The following TMEM163 variants were observed in gnomAD, a reference collection of about 807,000 sequenced individuals.
The protein encoded by TMEM163 is transmembrane protein 163.
Under a neutral mutation model 29.3 loss-of-function variants are expected in TMEM163, and 17 were observed. The observed-to-expected ratio is 0.58, with a 90% confidence interval of 0.40 to 0.87. The LOEUF (loss-of-function observed/expected upper bound fraction) is 0.87. Ranked by LOEUF, TMEM163 falls within the 40% of genes least tolerant of loss-of-function variation. The probability of loss-of-function intolerance (pLI) is 0.00; values close to 1 mark genes in which losing one functional copy is unlikely to be tolerated. For synonymous variants in TMEM163, 157 were observed against 160.6 expected, an observed-to-expected ratio of 0.98 and a Z score of 0.17; for missense variants, 303 against 381.5, an observed-to-expected ratio of 0.79 and a Z score of 1.71.
rs534457231 is a variant in TMEM163, at chr2:134,638,978, G to A, written c.322+74222C>T. 5.9e-5 allele frequency among the ~76,000 whole-genome samples: 9 copies of A among 152,310 alleles called. No individual in the cohort carries two copies. In the East Asian group the frequency reaches 1.7e-3, roughly 29 times the overall value. On this transcript the variant is annotated intron_variant, in intron 2 of 7. Coordinates refer to ENST00000281924, the MANE Select transcript of TMEM163 (RefSeq NM_030923.5). ...TTAGGCACCACCCACAGAGGTGATGGCTGAAGCCTGGAATGGGACAAGGCC... is the reference window on the plus strand; with the variant it reads ...TTAGGCACCACCCACAGAGGTGATGACTGAAGCCTGGAATGGGACAAGGCC...
intron 5 of TMEM163, among the ~76,000 whole-genome samples, chr2:134,498,008 C>A (rs1679611284): frequency 6.6e-6 from 1 of 152,330 alleles, no homozygotes; most frequent in African/African-American, 2.4e-5. Flanking sequence ...CTTCAAAAGG[C>A]AGAAGAGCAG....
At chr2:134,572,659 C>G (rs984827796) in intron 2 of TMEM163, among the ~76,000 whole-genome samples, 2 of 152,178 alleles carry the variant, frequency 1.3e-5, no homozygotes, top group African/African-American at 2.4e-5. Flanking sequence ...GAATCCTCCC[C>G]ACTTGGCTTG....
intron 4 of TMEM163, among the ~76,000 whole-genome samples, chr2:134,507,890 G>C (rs967636156): frequency 3.9e-5 from 6 of 151,970 alleles, no homozygotes; most frequent in Admixed American, 3.3e-4. Context: ...CACACACACA[G>C]ACACACTTAA....
At chr2:134,566,174 A>G (rs1423327257) in intron 2 of TMEM163, among the ~76,000 whole-genome samples, 1 of 152,282 alleles carries the variant, frequency 6.6e-6, no homozygotes, top group East Asian at 1.9e-4. Context: ...CAACATGAAC[A>G]TGCAATTTTA....
intron 2 of TMEM163, among the ~76,000 whole-genome samples, chr2:134,662,599 G>A (rs1460734158): frequency 6.6e-6 from 1 of 152,160 alleles, no homozygotes; most frequent in East Asian, 1.9e-4. Context: ...CTGGGATTCG[G>A]GAGATGAGCA....
intron 2 of TMEM163, among the ~76,000 whole-genome samples, chr2:134,589,263 A>G (rs6728926): frequency 0.038 from 5,767 of 152,308 alleles, 168 homozygotes; most frequent in Admixed American, 0.085. Flanking sequence ...GAACCAGAGC[A>G]ACTCCATCTT....
chr2:134,511,616 T>A (rs1189531297), intron 4 of TMEM163, among the ~76,000 whole-genome samples: 1 of 152,174 alleles, frequency 6.6e-6, no homozygotes, highest in Non-Finnish European at 1.5e-5. Context: ...GGAACACGGG[T>A]CCTACAGGCT....
intron 4 of TMEM163, among the ~76,000 whole-genome samples, chr2:134,506,203 G>A (rs1277508173): frequency 6.6e-6 from 1 of 152,152 alleles, no homozygotes; most frequent in African/African-American, 2.4e-5. Flanking sequence ...ACTCCAAAAT[G>A]TGTCAAAAAC....
chr2:134,535,648 G>C (rs926644348), intron 4 of TMEM163, among the ~76,000 whole-genome samples: 4 of 151,756 alleles, frequency 2.6e-5, no homozygotes, highest in Non-Finnish European at 5.9e-5. Context: ...TAATTTAAAA[G>C]GTAGATTTCA....
At chr2:134,529,159 C>T (rs1385901548) in intron 4 of TMEM163, among the ~76,000 whole-genome samples, 3 of 151,670 alleles carry the variant, frequency 2.0e-5, no homozygotes, top group Admixed American at 1.3e-4. Context: ...GGTGAAACCC[C>T]GTCTCTACTA....
At chr2:134,673,618 C>A (rs1294087615) in intron 2 of TMEM163, among the ~76,000 whole-genome samples, 1 of 152,050 alleles carries the variant, frequency 6.6e-6, no homozygotes, top group Non-Finnish European at 1.5e-5. Flanking sequence ...ATCACAGGGA[C>A]CTTATAAGGG....
intron 5 of TMEM163, among the ~76,000 whole-genome samples, chr2:134,499,910 T>G (rs1426447009): frequency 2.6e-5 from 4 of 152,230 alleles, no homozygotes; most frequent in Non-Finnish European, 5.9e-5. Flanking sequence ...GCAAACTCTC[T>G]ATGTGCAGCC....
At chr2:134,486,928 A>G (rs573314496) in intron 5 of TMEM163, among the ~76,000 whole-genome samples, 7 of 152,260 alleles carry the variant, frequency 4.6e-5, no homozygotes, top group Non-Finnish European at 1.0e-4. Context: ...AAATATTCAC[A>G]TCTTAAAGGA....
chr2:134,710,239 G>C (rs1684898126), intron 2 of TMEM163, among the ~76,000 whole-genome samples: 1 of 152,184 alleles, frequency 6.6e-6, no homozygotes, highest in Non-Finnish European at 1.5e-5. Flanking sequence ...ACCTGTCTCA[G>C]AGACTTTTGG....
intron 2 of TMEM163, among the ~76,000 whole-genome samples, chr2:134,573,380 C>T (rs1681478580): frequency 6.6e-6 from 1 of 152,122 alleles, no homozygotes; most frequent in African/African-American, 2.4e-5. Context: ...AGGTATAAGC[C>T]AGTGTTTCTC....
At chr2:134,611,946 A>G (rs1558964344) in intron 2 of TMEM163, among the ~76,000 whole-genome samples, 1 of 152,234 alleles carries the variant, frequency 6.6e-6, no homozygotes, top group Non-Finnish European at 1.5e-5. Flanking sequence ...GCGTGAAAAC[A>G]CTGGCATCCA....
At chr2:134,512,339 TC>T (rs771151571) in intron 4 of TMEM163, among the ~76,000 whole-genome samples, 10 of 151,984 alleles carry the variant, frequency 6.6e-5, no homozygotes, top group Non-Finnish European at 1.3e-4. Flanking sequence ...ACATCTGTAG[TC>T]CCAGCTTACT....
At chr2:134,701,144 C>T (rs1558997055) in intron 2 of TMEM163, among the ~76,000 whole-genome samples, 1 of 149,832 alleles carries the variant, frequency 6.7e-6, no homozygotes, top group African/African-American at 2.5e-5. Context: ...AAAGTAAATT[C>T]AAAACAAATT....
chr2:134,680,647 T>C (rs1270334078), intron 2 of TMEM163, among the ~76,000 whole-genome samples: 1 of 152,212 alleles, frequency 6.6e-6, no homozygotes, highest in Non-Finnish European at 1.5e-5. Context: ...AGCTACTTTG[T>C]ATGTTGGGCA....
Sources: allele counts gnomAD v4.1 joint callset (sites outside exome capture counted in the v4.1 genomes callset), GRCh38; gene constraint gnomAD v4.1.1; transcripts MANE v1.5; gene names NCBI Gene and HGNC (gene_info 2026-07-23, HGNC 2026-07-21).